Variants in DUSP11 observed in about 807,000 individuals in gnomAD.
DUSP11 encodes the protein RNA/RNP complex-1-interacting phosphatase.
A neutral mutation model predicts 41.4 loss-of-function variants in DUSP11; 27 were observed. The observed-to-expected ratio is 0.65, with a 90% confidence interval of 0.48 to 0.90. The LOEUF is 0.90. Ranked by LOEUF, DUSP11 falls within the 40% of genes least tolerant of loss-of-function variation. The pLI is 0.00. For missense variants in DUSP11, 465 were observed against 461.1 expected (o/e 1.01, Z -0.08); for synonymous variants, 188 against 159.3 (o/e 1.18, Z -1.35).
chr2:73,766,162 A>G (rs1212085607), intron 8 of DUSP11, among the ~76,000 whole-genome samples: 1 of 152,136 alleles, frequency 6.6e-6, no homozygotes, highest in African/African-American at 2.4e-5. Flanking sequence ...ACAAAAAATT[A>G]GCTGGGCATG....
chr2:73,779,469 AC>A (rs1672750974), intron 1 of DUSP11: 1 of 209,458 alleles, frequency 4.8e-6, no homozygotes, highest in South Asian at 8.4e-5. Context: ...AACAATACAA[AC>A]CAACTTTCCA....
chr2:73,775,165 T>A, intron 2 of DUSP11, 121 bp from the exon 3 acceptor site: 2 of 851,748 alleles, frequency 2.3e-6, no homozygotes, highest in South Asian at 4.2e-5. Flanking sequence ...TCCATTCTCC[T>A]GGAACATAGA....
intron 2 of DUSP11, among the ~76,000 whole-genome samples, chr2:73,775,954 C>A (rs1672676361): frequency 6.6e-6 from 1 of 151,420 alleles, no homozygotes; most frequent in Admixed American, 6.6e-5. Context: ...CTCAAGCAAC[C>A]CTCCTGTCTC....
intron 4 of DUSP11, chr2:73,773,475 A>G (rs1315742959): frequency 1.0e-5 from 4 of 381,910 alleles, no homozygotes; most frequent in Non-Finnish European, 2.0e-5. Context: ...GAGTTTTTTA[A>G]TCTTTTCTTC....
chr2:73,762,775 C>A (rs1477915085), exon 9 of DUSP11: 2 of 1,613,742 alleles, frequency 1.2e-6, no homozygotes, highest in East Asian at 2.2e-5. Flanking sequence ...TCCAAGAATA[C>A]CTCCTGTGTG....
chr2:73,778,417 C>A, intron 1 of DUSP11, 41 bp from the exon 2 acceptor site: 1 of 1,295,476 alleles, frequency 7.7e-7, no homozygotes, highest in Non-Finnish European at 1.0e-6. Flanking sequence ...GTATGTTAGC[C>A]TTGTTTCCTT....
chr2:73,780,095 C>A, exon 1 of DUSP11: 1 of 1,566,392 alleles, frequency 6.4e-7, no homozygotes, highest in Non-Finnish European at 8.7e-7. Flanking sequence ...CGCCGCGCTC[C>A]AGCGTCTCGC....
intron 8 of DUSP11, among the ~76,000 whole-genome samples, chr2:73,765,436 G>A (rs1672442548): frequency 6.6e-6 from 1 of 152,166 alleles, no homozygotes; most frequent in Admixed American, 6.5e-5. Context: ...GAGTTGGACT[G>A]AATGCTACCA....
Position 73,766,730 on chromosome 2 carries a change from A to G in DUSP11, c.758+98T>C, listed in dbSNP as rs1433682489. ...ATTTGTTTACATCTCCCCCCAACAAACAAACAAGCTACCAGAAGAATGAAC... is the reference window on the plus strand; with the variant it reads ...ATTTGTTTACATCTCCCCCCAACAAGCAAACAAGCTACCAGAAGAATGAAC... On this transcript the variant is annotated intron_variant, in intron 7 of 8. Transcript: ENST00000272444. 3 of 1,375,624 alleles carry G rather than the reference A, an allele frequency of 2.2e-6. No homozygotes were observed. In the Admixed American group the frequency reaches 5.8e-5, roughly 26 times the overall value. 85.2% of individuals were successfully genotyped at this position (1,375,624 alleles called of 1,614,324 possible).
At chr2:73,766,504 T>C in exon 8 of DUSP11, 1 of 1,614,124 alleles carries the variant, frequency 6.2e-7, no homozygotes, top group Non-Finnish European at 8.5e-7. Flanking sequence ...TATACCTAGG[T>C]CCTTGTTTAA....
At chr2:73,772,130 C>G (rs967946547) in intron 4 of DUSP11, among the ~76,000 whole-genome samples, 7 of 152,158 alleles carry the variant, frequency 4.6e-5, no homozygotes, top group Non-Finnish European at 1.0e-4. Context: ...TAACCCACAT[C>G]TTAAACCACA....
At chr2:73,775,247 T>C (rs1267586236) in intron 2 of DUSP11, among the ~76,000 whole-genome samples, 1 of 152,200 alleles carries the variant, frequency 6.6e-6, no homozygotes, top group African/African-American at 2.4e-5. Flanking sequence ...TATATATGTA[T>C]TTCTGTATTT....
At chr2:73,765,041 T>A (rs946541001) in intron 8 of DUSP11, among the ~76,000 whole-genome samples, 1 of 152,192 alleles carries the variant, frequency 6.6e-6, no homozygotes, top group Admixed American at 6.5e-5. Flanking sequence ...TAGTTAATTT[T>A]AGGTGTCAAG....
chr2:73,767,485 T>C (rs1298402542), intron 5 of DUSP11: 1 of 292,282 alleles, frequency 3.4e-6, no homozygotes, highest in African/African-American at 2.2e-5. Context: ...AGAATCATTT[T>C]TTATCAAAAT....
Position 73,778,286 on chromosome 2 carries a change from T to C in DUSP11, c.318+15A>G. On this transcript the variant is annotated intron_variant, in intron 2 of 8. Coordinates refer to ENST00000272444, the Ensembl canonical transcript of DUSP11. ...CTCAGATGCCTGAAAGAATACTGAATTAACTTTTGCTTACCTTTTGCAAAG... is the reference window on the plus strand; with the variant it reads ...CTCAGATGCCTGAAAGAATACTGAACTAACTTTTGCTTACCTTTTGCAAAG... 1 of 1,566,684 alleles carries C rather than the reference T, an allele frequency of 6.4e-7. No homozygotes were observed. The highest frequency in any genetic ancestry group is 8.6e-7 in the Non-Finnish European group (1 of 1,156,084).
At chr2:73,764,780 A>T (rs774774273) in intron 8 of DUSP11, among the ~76,000 whole-genome samples, 1 of 152,200 alleles carries the variant, frequency 6.6e-6, no homozygotes, top group Non-Finnish European at 1.5e-5. Context: ...CAGCCTGGCC[A>T]ACATGGTGAA....
At chr2:73,769,224 A>C (rs977994025) in intron 5 of DUSP11, 41 bp downstream of exon 5, 4 of 1,560,724 alleles carry the variant, frequency 2.6e-6, no homozygotes, top group Non-Finnish European at 3.5e-6. Flanking sequence ...AAACAGACAA[A>C]AACAATTTAA....
chr2:73,766,719 C>CCCCCCAA, intron 7 of DUSP11, 109 bp downstream of exon 7: 1 of 1,349,244 alleles, frequency 7.4e-7, no homozygotes, highest in South Asian at 1.3e-5. Flanking sequence ...GTTTACATCT[C>CCCCCCAA]CCCCCAACAA....
intron 4 of DUSP11, among the ~76,000 whole-genome samples, chr2:73,772,467 G>A (rs1672601427): frequency 6.6e-6 from 1 of 152,162 alleles, no homozygotes; most frequent in Non-Finnish European, 1.5e-5. Context: ...GACCAACATG[G>A]AGTTCAGTCT....
Sources: gnomAD v4.1 joint callset for allele counts (sites outside exome capture counted in the v4.1 genomes callset) on GRCh38, gnomAD v4.1.1 for gene constraint, MANE v1.5 for transcripts, NCBI Gene and HGNC (gene_info 2026-07-23, HGNC 2026-07-21) for gene names.